AUTS2: variants seen among roughly 807,000 people sequenced by gnomAD.
The protein encoded by AUTS2 is autism susceptibility gene 2 protein.
Under a neutral mutation model 112.4 loss-of-function variants are expected in AUTS2, and 17 were observed. The observed-to-expected ratio is 0.15, with a 90% CI of 0.10 to 0.23. AUTS2 has a LOEUF of 0.23. Ranked by LOEUF, AUTS2 falls within the 10% of genes least tolerant of loss-of-function variation. The pLI is 1.00. For synonymous variants in AUTS2, 751 were observed against 702.7 expected, an observed-to-expected ratio of 1.07 and a Z score of -1.09; for missense variants, 1,510 against 1,701.6, an observed-to-expected ratio of 0.89 and a Z score of 1.98.
At position 70,650,936 on chromosome 7, in the gene AUTS2, A is replaced by G. The variant is rs540954079; in HGVS notation, c.691-47633A>G. Among the ~76,000 whole-genome samples, 85 of 152,348 alleles carry G rather than the reference A, an allele frequency of 5.6e-4. 1 individual carries two copies. The highest frequency in any genetic ancestry group is 7.9e-4 in the Non-Finnish European group (54 of 68,034). ...GGGAAGAAAGGATCACGTTGAGGGC[A>G]TGGCTGAGGCCCAAGAGAATGATTT... On this transcript the variant is annotated intron_variant, in intron 5 of 18. Transcript: ENST00000342771.
At chr7:70,780,869 T>C (rs988779368) in intron 14 of AUTS2, among the ~76,000 whole-genome samples, 1 of 152,220 alleles carries the variant, frequency 6.6e-6, no homozygotes, top group African/African-American at 2.4e-5. Context: ...TATTAGAGTA[T>C]GGCAAAGAGT....
At position 69,933,133 on chromosome 7, in the gene AUTS2, T is replaced by G. The variant is rs146263108; in HGVS notation, c.522+33635T>G. ...GTGTTAGATTTCAATAAACTATTAT[T>G]TTTTCTAACAGATCTTAAACTTTAA... On this transcript the variant is annotated intron_variant, in intron 2 of 18. Coordinates refer to ENST00000342771, the MANE Select transcript of AUTS2 (RefSeq NM_015570.4). Among the ~76,000 whole-genome samples, 24 of 152,368 alleles carry G rather than the reference T, an allele frequency of 1.6e-4. No individual in the cohort carries two copies. The South Asian group carries it at 4.1e-3, about 26-fold the overall frequency.
At chr7:69,769,288 CAAAT>C (rs1356251995) in intron 1 of AUTS2, among the ~76,000 whole-genome samples, 2 of 152,138 alleles carry the variant, frequency 1.3e-5, no homozygotes, top group African/African-American at 4.8e-5. Flanking sequence ...GATAAAATCA[CAAAT>C]AGATGAGTTT....
intron 5 of AUTS2, among the ~76,000 whole-genome samples, chr7:70,548,712 T>C (rs1460994260): frequency 6.6e-6 from 1 of 152,188 alleles, no homozygotes; most frequent in African/African-American, 2.4e-5. Flanking sequence ...AGACAATAAA[T>C]ACACAGGCTT....
chr7:69,970,329 T>A (rs1797797975), intron 2 of AUTS2, among the ~76,000 whole-genome samples: 1 of 152,218 alleles, frequency 6.6e-6, no homozygotes, highest in Non-Finnish European at 1.5e-5. Context: ...TCTAGCATAA[T>A]ATCTTTCTTG....
chr7:69,834,240 T>G (rs1043717893), intron 1 of AUTS2, among the ~76,000 whole-genome samples: 11 of 152,212 alleles, frequency 7.2e-5, no homozygotes, highest in Admixed American at 5.9e-4. Context: ...GTTACCCTAG[T>G]GCGTGCAATG....
At chr7:69,781,019 A>G (rs187694625) in intron 1 of AUTS2, among the ~76,000 whole-genome samples, 70 of 152,278 alleles carry the variant, frequency 4.6e-4, no homozygotes, top group Non-Finnish European at 8.4e-4. Context: ...CTATTCCCCA[A>G]ATTATTGATG....
At chr7:70,049,368 T>A (rs1801646185) in intron 2 of AUTS2, among the ~76,000 whole-genome samples, 1 of 152,030 alleles carries the variant, frequency 6.6e-6, no homozygotes, top group Non-Finnish European at 1.5e-5. Flanking sequence ...ATCTCACTCT[T>A]GCCCAGGCTG....
At chr7:70,665,228 TTA>T (rs1368895061) in intron 5 of AUTS2, among the ~76,000 whole-genome samples, 1 of 152,168 alleles carries the variant, frequency 6.6e-6, no homozygotes, top group Non-Finnish European at 1.5e-5. Flanking sequence ...TAACATTGTC[TTA>T]TAGGAGGTTC....
At chr7:70,609,410 TC>T (rs71531709) in intron 5 of AUTS2, among the ~76,000 whole-genome samples, 19,102 of 131,924 alleles carry the variant, frequency 0.14, 3,005 homozygotes, top group African/African-American at 0.31. Flanking sequence ...TTTTTTTTTT[TC>T]CGAGACAGAG....
chr7:70,256,959 C>T (rs569520113), intron 4 of AUTS2, among the ~76,000 whole-genome samples: 1 of 152,166 alleles, frequency 6.6e-6, no homozygotes, highest in Non-Finnish European at 1.5e-5. Context: ...CAGCACATCT[C>T]ATATTGTGCC....
At chr7:69,707,267 T>C (rs552597330) in intron 1 of AUTS2, among the ~76,000 whole-genome samples, 2 of 152,354 alleles carry the variant, frequency 1.3e-5, no homozygotes, top group South Asian at 2.1e-4. Context: ...GTAGCTTTTA[T>C]GAATGTTAAT....
intron 1 of AUTS2, among the ~76,000 whole-genome samples, chr7:69,866,429 G>C (rs973333468): frequency 1.3e-5 from 2 of 152,104 alleles, no homozygotes; most frequent in Non-Finnish European, 2.9e-5. Flanking sequence ...TGCCCCCCTG[G>C]AGTGTACTTT....
chr7:70,320,572 A>G (rs1450282648), intron 4 of AUTS2, among the ~76,000 whole-genome samples: 3 of 152,232 alleles, frequency 2.0e-5, no homozygotes, highest in Non-Finnish European at 2.9e-5. Context: ...TGTGTGTACT[A>G]CATCACTGGG....
chr7:70,386,379 C>T (rs1028627123), intron 4 of AUTS2, among the ~76,000 whole-genome samples: 2 of 152,212 alleles, frequency 1.3e-5, no homozygotes, highest in Non-Finnish European at 2.9e-5. Flanking sequence ...AAATACGATT[C>T]ACTTATGAAG....
intron 5 of AUTS2, among the ~76,000 whole-genome samples, chr7:70,640,270 G>T (rs1163091870): frequency 1.3e-5 from 2 of 151,980 alleles, no homozygotes; most frequent in Admixed American, 6.6e-5. Context: ...TAAATGGTTG[G>T]TGGTGGCCCG....
At chr7:70,386,847 C>T (rs531306772) in intron 4 of AUTS2, among the ~76,000 whole-genome samples, 86 of 152,258 alleles carry the variant, frequency 5.6e-4, no homozygotes, top group Non-Finnish European at 9.6e-4. Context: ...TATCAAGTCA[C>T]CTCCCGACTT....
chr7:70,153,034 G>A (rs1807531221), intron 4 of AUTS2, among the ~76,000 whole-genome samples: 1 of 152,062 alleles, frequency 6.6e-6, no homozygotes, highest in Non-Finnish European at 1.5e-5. Context: ...TGTTATATAT[G>A]TATGTACAAT....
intron 1 of AUTS2, among the ~76,000 whole-genome samples, chr7:69,773,109 G>T (rs140894123): frequency 3.3e-4 from 51 of 152,274 alleles, no homozygotes; most frequent in Non-Finnish European, 1.0e-4. Context: ...AGGTTAGTGC[G>T]CAGCCGACCT....
Sources: gnomAD v4.1 joint callset for allele counts (sites outside exome capture counted in the v4.1 genomes callset) on GRCh38, gnomAD v4.1.1 for gene constraint, MANE v1.5 for transcripts, NCBI Gene and HGNC (gene_info 2026-07-23, HGNC 2026-07-21) for gene names.